Variants in ERC1 observed in about 807,000 individuals in gnomAD.
ERC1 encodes RAB6 interacting protein 2.
In ERC1, 56 loss-of-function variants were observed where a neutral mutation model predicts 132.0. The ratio of observed to expected loss-of-function variants is 0.42; its 90% CI spans 0.34 to 0.53. The LOEUF is 0.53. ERC1 is among the 20% of genes least tolerant of loss of function. ERC1 has a pLI of 0.03. For synonymous variants in ERC1, 478 were observed against 476.1 expected (o/e 1.00, Z -0.05); for missense variants, 1,202 against 1,349.9 (o/e 0.89, Z 1.72).
intron 2 of ERC1, among the ~76,000 whole-genome samples, chr12:1,043,069 A>T: frequency 7.0e-6 from 1 of 142,130 alleles, no homozygotes. Flanking sequence ...TTTTAGACAG[A>T]GCCTTGCTCT....
intron 1 of ERC1, among the ~76,000 whole-genome samples, chr12:1,016,844 C>T (rs1217221356): frequency 6.6e-6 from 1 of 151,306 alleles, no homozygotes; most frequent in Non-Finnish European, 1.5e-5. Context: ...AGAGATGGGG[C>T]TTCACCATGT....
upstream of ERC1, chr12:990,922 G>A (rs1959177769): frequency 7.0e-6 from 1 of 142,118 alleles, no homozygotes; most frequent in Non-Finnish European, 1.5e-5. Context: ...CCCCTCCCGT[G>A]GCCGCAGGGG....
chr12:1,293,279 C>A (rs1214335568), intron 15 of ERC1, among the ~76,000 whole-genome samples: 2 of 151,118 alleles, frequency 1.3e-5, no homozygotes, highest in Non-Finnish European at 3.0e-5. Flanking sequence ...ACGGTGAACC[C>A]CGTCTCTACT....
intron 15 of ERC1, among the ~76,000 whole-genome samples, chr12:1,346,404 G>A (rs1347732463): frequency 1.3e-5 from 2 of 152,088 alleles, no homozygotes; most frequent in Non-Finnish European, 2.9e-5. Flanking sequence ...ATATTACTGG[G>A]AATTCTCACA....
intron 12 of ERC1, among the ~76,000 whole-genome samples, chr12:1,200,349 C>A (rs1956787978): frequency 6.6e-6 from 1 of 152,060 alleles, no homozygotes; most frequent in Non-Finnish European, 1.5e-5. Flanking sequence ...TTGTGGGAAT[C>A]TGACCTATTT....
At chr12:1,302,070 G>A (rs2154345515) in intron 15 of ERC1, among the ~76,000 whole-genome samples, 2 of 152,268 alleles carry the variant, frequency 1.3e-5, no homozygotes, top group Middle Eastern at 6.8e-3. Context: ...ACACATCAGT[G>A]TCACTCATGA....
chr12:1,291,797 G>A (rs1199670127), intron 15 of ERC1, among the ~76,000 whole-genome samples: 1 of 152,188 alleles, frequency 6.6e-6, no homozygotes, highest in Non-Finnish European at 1.5e-5. Context: ...TAAGTTTGGG[G>A]AGACGTAAAA....
At chr12:1,424,537 A>T (rs2092546688) in intron 17 of ERC1, among the ~76,000 whole-genome samples, 1 of 152,202 alleles carries the variant, frequency 6.6e-6, no homozygotes, top group Admixed American at 6.5e-5. Flanking sequence ...ATTGGGAAAA[A>T]AGCAAAAAAG....
At chr12:1,140,570 C>T (rs538425265) in intron 7 of ERC1, among the ~76,000 whole-genome samples, 5 of 152,222 alleles carry the variant, frequency 3.3e-5, no homozygotes, top group Admixed American at 6.5e-5. Flanking sequence ...TGTATTAGAT[C>T]TTCCTGAGTG....
intron 18 of ERC1, chr12:1,480,710 T>A (rs2094072448): frequency 1.6e-6 from 1 of 621,282 alleles, no homozygotes; most frequent in South Asian, 1.8e-5. Context: ...CTTGAGGAGG[T>A]GAGGAAGATA....
intron 18 of ERC1, among the ~76,000 whole-genome samples, chr12:1,481,491 T>C (rs551028896): frequency 3.8e-4 from 58 of 152,346 alleles, no homozygotes; most frequent in Admixed American, 3.8e-3. Flanking sequence ...ATCCTTGAGA[T>C]TCTTTCAAGC....
chr12:1,370,340 T>A (rs1405503733), intron 15 of ERC1, among the ~76,000 whole-genome samples: 1 of 152,258 alleles, frequency 6.6e-6, no homozygotes, highest in Non-Finnish European at 1.5e-5. Context: ...TTTAAATTAC[T>A]GTTTCAAAGT....
intron 14 of ERC1, among the ~76,000 whole-genome samples, chr12:1,288,260 G>A (rs1158346674): frequency 6.6e-6 from 1 of 152,288 alleles, no homozygotes; most frequent in East Asian, 1.9e-4. Flanking sequence ...ATATTACATA[G>A]CAATATATTC....
intron 2 of ERC1, among the ~76,000 whole-genome samples, chr12:1,054,921 A>G (rs955110168): frequency 6.6e-6 from 1 of 152,188 alleles, no homozygotes; most frequent in African/African-American, 2.4e-5. Context: ...GCAGAATTCT[A>G]GAGTATTCTG....
At chr12:1,128,830 G>A (rs1012961744) in intron 7 of ERC1, among the ~76,000 whole-genome samples, 1 of 152,144 alleles carries the variant, frequency 6.6e-6, no homozygotes, top group African/African-American at 2.4e-5. Flanking sequence ...GAAATATATA[G>A]TAACTAAAAT....
At chr12:1,223,406 T>C (rs2074320842) in intron 12 of ERC1, among the ~76,000 whole-genome samples, 1 of 152,224 alleles carries the variant, frequency 6.6e-6, no homozygotes, top group Admixed American at 6.5e-5. Context: ...ATTGTGCATT[T>C]AGTGTGTATT....
Position 1,083,724 on chromosome 12 carries a change from A to C in ERC1, c.1086+144A>C. ...TCCTTTGTATTTAAGTGCGTCACTGATTTCTGTTCTGATTTGCCCTGTTGT... is the reference window on the plus strand; with the variant it reads ...TCCTTTGTATTTAAGTGCGTCACTGCTTTCTGTTCTGATTTGCCCTGTTGT... On this transcript the variant is annotated intron_variant, in intron 3 of 18. Coordinates refer to ENST00000360905, the MANE Select transcript of ERC1 (RefSeq NM_178040.4). The C allele has an allele frequency of 6.1e-6, 4 of 660,840 alleles. No homozygotes were observed. In the South Asian group the frequency reaches 7.9e-5, roughly 13 times the overall value. The allele number at this position is 660,840 out of a possible 1,614,324, so 40.9% of individuals were successfully genotyped here. A position where few individuals can be genotyped will look rare whatever the true frequency, so the allele number is the denominator to read the frequency against.
chr12:1,441,488 T>C (rs998643804), intron 17 of ERC1, among the ~76,000 whole-genome samples: 2 of 152,246 alleles, frequency 1.3e-5, no homozygotes, highest in Admixed American at 6.5e-5. Context: ...CTTCTCAATA[T>C]GACCATTTAT....
intron 15 of ERC1, among the ~76,000 whole-genome samples, chr12:1,344,887 G>A (rs1026028086): frequency 1.3e-5 from 2 of 152,154 alleles, no homozygotes; most frequent in Non-Finnish European, 2.9e-5. Context: ...TCCAGCTCCA[G>A]AACACATGCT....
Sources: allele counts gnomAD v4.1 joint callset (sites outside exome capture counted in the v4.1 genomes callset), GRCh38; gene constraint gnomAD v4.1.1; transcripts MANE v1.5; gene names NCBI Gene and HGNC (gene_info 2026-07-23, HGNC 2026-07-21).